Variants in SOX5 observed in about 807,000 individuals in gnomAD.
SOX5 encodes transcription factor SOX-5.
A neutral mutation model predicts 92.0 loss-of-function variants in SOX5; 9 were observed. The observed-to-expected ratio is 0.10, with a 90% CI of 0.06 to 0.17. SOX5 has a LOEUF of 0.17. SOX5 is among the 10% of genes least tolerant of loss of function. The pLI, the probability that SOX5 is intolerant of heterozygous loss-of-function variation, is 1.00. For missense variants in SOX5, 642 were observed against 944.5 expected, an observed-to-expected ratio of 0.68 and a Z score of 4.20; for synonymous variants, 344 against 336.3, an observed-to-expected ratio of 1.02 and a Z score of -0.25.
At chr12:23,690,747 T>G (rs886323430) in intron 6 of SOX5, among the ~76,000 whole-genome samples, 27 of 152,296 alleles carry the variant, frequency 1.8e-4, no homozygotes, top group African/African-American at 5.5e-4. Context: ...TTTTGTGCCT[T>G]TCTAACAACT....
intron 1 of SOX5, among the ~76,000 whole-genome samples, chr12:23,939,652 G>T (rs1943242778): frequency 6.6e-6 from 1 of 150,416 alleles, no homozygotes; most frequent in Non-Finnish European, 1.5e-5. Flanking sequence ...ATTCCTGATG[G>T]TATAACTACA....
chr12:24,047,415 C>T (rs1404549960), intron 4 of SOX5, among the ~76,000 whole-genome samples: 1 of 152,174 alleles, frequency 6.6e-6, no homozygotes, highest in Non-Finnish European at 1.5e-5. Context: ...ATGGACACTC[C>T]ATTCTTGGGG....
chr12:24,244,073 G>A (rs913008587), intron 3 of SOX5, among the ~76,000 whole-genome samples: 3 of 150,650 alleles, frequency 2.0e-5, no homozygotes, highest in African/African-American at 7.3e-5. Flanking sequence ...AAAAGAAAAG[G>A]TTGGACATTT....
chr12:24,467,292 T>G (rs1597020463), intron 1 of SOX5, among the ~76,000 whole-genome samples: 1 of 152,214 alleles, frequency 6.6e-6, no homozygotes, highest in East Asian at 1.9e-4. Context: ...AGAAACATAT[T>G]AGCCCAATAT....
At chr12:23,735,441 T>C (rs2093554680) in intron 5 of SOX5, among the ~76,000 whole-genome samples, 1 of 152,208 alleles carries the variant, frequency 6.6e-6, no homozygotes, top group South Asian at 2.1e-4. Context: ...TTGGCTTCTG[T>C]GACATCATCA....
chr12:24,373,124 G>A (rs1414674670), intron 1 of SOX5, among the ~76,000 whole-genome samples: 2 of 149,356 alleles, frequency 1.3e-5, no homozygotes, highest in Non-Finnish European at 1.5e-5. Flanking sequence ...GTGTCAAGAG[G>A]AAAAAAAAAA....
chr12:24,455,878 C>T (rs541497323), intron 1 of SOX5, among the ~76,000 whole-genome samples: 162 of 152,268 alleles, frequency 1.1e-3, no homozygotes, highest in African/African-American at 3.6e-3. Flanking sequence ...TCCTACAAAG[C>T]GTCTAGGAGT....
At chr12:23,716,292 A>C (rs1428271377) in intron 6 of SOX5, among the ~76,000 whole-genome samples, 8 of 152,134 alleles carry the variant, frequency 5.3e-5, no homozygotes, top group Non-Finnish European at 1.0e-4. Flanking sequence ...AGAGGAAAAG[A>C]AAAAAAGAGA....
At chr12:23,944,378 T>C (rs896917636) in intron 1 of SOX5, 10 of 152,056 alleles carry the variant, frequency 6.6e-5, no homozygotes, top group African/African-American at 1.9e-4. Flanking sequence ...CACCCCCCTA[T>C]TGGACAAGCA....
At chr12:24,287,795 G>A (rs1946087073) in intron 2 of SOX5, among the ~76,000 whole-genome samples, 2 of 151,838 alleles carry the variant, frequency 1.3e-5, no homozygotes, top group Non-Finnish European at 1.5e-5. Flanking sequence ...GTATGACAGG[G>A]CTGATCCCTC....
intron 2 of SOX5, among the ~76,000 whole-genome samples, chr12:23,858,816 CAGA>C (rs1448843095): frequency 4.6e-5 from 7 of 152,174 alleles, no homozygotes; most frequent in Admixed American, 3.9e-4. Flanking sequence ...GAAGCCATGG[CAGA>C]AGAACATAAA....
chr12:24,481,589 A>T (rs1461871071), intron 1 of SOX5, among the ~76,000 whole-genome samples: 3 of 152,200 alleles, frequency 2.0e-5, no homozygotes, highest in Non-Finnish European at 1.5e-5. Flanking sequence ...CAATGTTTTT[A>T]AAAAAAGAAT....
chr12:24,026,020 T>C (rs1453880327), intron 4 of SOX5, among the ~76,000 whole-genome samples: 1 of 152,118 alleles, frequency 6.6e-6, no homozygotes, highest in East Asian at 1.9e-4. Flanking sequence ...AACAACCTAA[T>C]ATGGCTCAGC....
At chr12:24,405,870 A>C (rs1324334398) in intron 1 of SOX5, among the ~76,000 whole-genome samples, 1 of 152,178 alleles carries the variant, frequency 6.6e-6, no homozygotes, top group African/African-American at 2.4e-5. Context: ...AGAGGCTTTA[A>C]GAGGCTATTG....
At chr12:24,062,689 T>A (rs894786028) in intron 4 of SOX5, among the ~76,000 whole-genome samples, 2 of 152,208 alleles carry the variant, frequency 1.3e-5, no homozygotes, top group African/African-American at 4.8e-5. Flanking sequence ...ATATGTAGCA[T>A]CATACTAAGT....
chr12:23,714,371 T>C (rs752779525), intron 6 of SOX5, among the ~76,000 whole-genome samples: 2 of 151,996 alleles, frequency 1.3e-5, no homozygotes, highest in Non-Finnish European at 2.9e-5. Flanking sequence ...CCTATAATTC[T>C]AGCACTTTGG....
At chr12:23,787,197 T>A (rs1259408503) in intron 3 of SOX5, among the ~76,000 whole-genome samples, 1 of 151,974 alleles carries the variant, frequency 6.6e-6, no homozygotes, top group Non-Finnish European at 1.5e-5. Context: ...TAACTGTAGG[T>A]TTATCTCTGC....
intron 9 of SOX5, chr12:23,603,787 CACT>C (rs1483807578): frequency 3.3e-5 from 5 of 152,072 alleles, no homozygotes; most frequent in African/African-American, 1.2e-4. Flanking sequence ...TTACTTCTAA[CACT>C]ACTATTACCT....
chr12:23,539,855 G>A (rs957299779), intron 13 of SOX5, among the ~76,000 whole-genome samples: 1 of 152,088 alleles, frequency 6.6e-6, no homozygotes, highest in Non-Finnish European at 1.5e-5. Flanking sequence ...TACTAACCGG[G>A]TCAAATGGCT....
Sources: allele counts gnomAD v4.1 joint callset (sites outside exome capture counted in the v4.1 genomes callset), GRCh38; gene constraint gnomAD v4.1.1; transcripts MANE v1.5; gene names NCBI Gene and HGNC (gene_info 2026-07-23, HGNC 2026-07-21).